The following BLNK variants were observed in gnomAD, a reference collection of about 807,000 sequenced individuals.
BLNK encodes B-cell linker protein.
A neutral mutation model predicts 73.5 loss-of-function variants in BLNK; 29 were observed. That is an observed-to-expected ratio of 0.39 (90% CI 0.29 to 0.54). BLNK has a LOEUF of 0.54. Among genes scored for constraint, BLNK ranks in the 20% least tolerant of loss-of-function variants. The pLI is 0.61. For synonymous variants in BLNK, 176 were observed against 200.8 expected, an observed-to-expected ratio of 0.88 and a Z score of 1.04; for missense variants, 460 against 562.8, an observed-to-expected ratio of 0.82 and a Z score of 1.85.
chr10:96,225,367 C>T (rs587663325), intron 5 of BLNK, among the ~76,000 whole-genome samples: 1 of 152,286 alleles, frequency 6.6e-6, no homozygotes, highest in South Asian at 2.1e-4. Flanking sequence ...TAGGCCCTCG[C>T]CTCTATGCTC....
At position 96,200,060 on chromosome 10, in the gene BLNK, T is replaced by TA; in HGVS notation, c.1095+14dup. The TA allele has an allele frequency of 6.8e-7, 1 of 1,462,870 alleles. No homozygotes were observed. The highest frequency in any genetic ancestry group is 1.7e-5 in the South Asian group (1 of 60,482). The allele number at this position is 1,462,870 out of a possible 1,614,324, so 90.6% of individuals were successfully genotyped here. On this transcript the variant is annotated intron_variant, in intron 15 of 16. Transcript: ENST00000224337. This position sits in a 1 kb window ranked among gnomAD's most constrained non-coding sequence, Gnocchi z 4.3. ...AAAATAAAATAAAAATAATAAATAA[T>TA]AAAAATGATCAGACCTTGTTTGATC...
chr10:96,230,636 T>C (rs1842462025), intron 4 of BLNK, among the ~76,000 whole-genome samples, 158 bp downstream of exon 4: 2 of 152,210 alleles, frequency 1.3e-5, no homozygotes, highest in African/African-American at 2.4e-5. Context: ...GCCAGTCAAG[T>C]CAGCTGGTAT....
At chr10:96,235,723 G>A (rs1554904958) in intron 3 of BLNK, among the ~76,000 whole-genome samples, 1 of 152,170 alleles carries the variant, frequency 6.6e-6, no homozygotes, top group African/African-American at 2.4e-5. Context: ...CTTGAAGGAT[G>A]AGCAGGATTT....
chr10:96,249,709 G>T (rs11188679), intron 1 of BLNK, among the ~76,000 whole-genome samples: 1 of 152,086 alleles, frequency 6.6e-6, no homozygotes, highest in Non-Finnish European at 1.5e-5. Context: ...GATGGCAGGG[G>T]GTGGTAGCCC....
intron 3 of BLNK, chr10:96,239,133 T>C (rs1842800441): frequency 2.5e-6 from 1 of 398,600 alleles, no homozygotes; most frequent in Non-Finnish European, 4.4e-6. Context: ...ATCAAGACTA[T>C]TTGGAAGGGT....
At chr10:96,204,423 G>A in intron 12 of BLNK, 109 bp downstream of exon 12, 1 of 1,248,332 alleles carries the variant, frequency 8.0e-7, no homozygotes, top group South Asian at 1.2e-5. Context: ...ATGAAATGTT[G>A]GATTTTTACC....
chr10:96,195,061 G>T (rs996485495), intron 16 of BLNK, among the ~76,000 whole-genome samples: 3 of 151,960 alleles, frequency 2.0e-5, no homozygotes, highest in African/African-American at 7.3e-5. Context: ...GAGCCACCGC[G>T]CCCGGCCAGA....
At position 96,247,123 on chromosome 10, in the gene BLNK, C is replaced by T. The variant is rs528647077; in HGVS notation, c.48-74G>A. On this transcript the variant is annotated intron_variant, in intron 1 of 16. Coordinates refer to ENST00000224337, the MANE Select transcript of BLNK (RefSeq NM_013314.4). The stretch of plus-strand genomic sequence containing the variant: ...TTTAAAAAAAGTCTCCTACTCTTCT[C>T]GAATACAAAAAAGGGGAAAAAACTC... 175 of 1,045,736 alleles carry T rather than the reference C, an allele frequency of 1.7e-4. 1 individual carries two copies. In the South Asian group the frequency reaches 2.1e-3, roughly 13 times the overall value. 64.8% of individuals were successfully genotyped at this position (1,045,736 alleles called of 1,614,324 possible).
At chr10:96,219,982 G>A (rs1554900743) in intron 6 of BLNK, among the ~76,000 whole-genome samples, 1 of 152,140 alleles carries the variant, frequency 6.6e-6, no homozygotes. Flanking sequence ...TGTACAGTAA[G>A]GAGCAGACAA....
intron 12 of BLNK, 97 bp from the exon 13 acceptor site, chr10:96,204,185 C>T: frequency 7.8e-7 from 1 of 1,281,834 alleles, no homozygotes; most frequent in Non-Finnish European, 1.1e-6. Flanking sequence ...AGGCACATCA[C>T]AAATAAATCA....
At chr10:96,207,756 C>G in intron 10 of BLNK, 116 bp downstream of exon 10, 1 of 1,256,594 alleles carries the variant, frequency 8.0e-7, no homozygotes, top group Non-Finnish European at 1.2e-6. Flanking sequence ...GCAGCAACTT[C>G]AGTTGCTAAG....
At chr10:96,228,129 T>C (rs1842351773) in intron 4 of BLNK, among the ~76,000 whole-genome samples, 1 of 148,314 alleles carries the variant, frequency 6.7e-6, no homozygotes, top group Admixed American at 6.8e-5. Flanking sequence ...AGATGGAGTC[T>C]CACTCTGTTG....
chr10:96,268,671 T>A (rs1249189815), intron 1 of BLNK, among the ~76,000 whole-genome samples: 1 of 152,222 alleles, frequency 6.6e-6, no homozygotes, highest in Non-Finnish European at 1.5e-5. Flanking sequence ...TGAGAATTCC[T>A]TGTCTCCTTC....
At chr10:96,202,300 C>G (rs1298077321) in intron 13 of BLNK, among the ~76,000 whole-genome samples, 1 of 152,054 alleles carries the variant, frequency 6.6e-6, no homozygotes, top group Non-Finnish European at 1.5e-5. Context: ...GGGCTGGAAA[C>G]AGAGGGTGGC....
At chr10:96,195,198 G>A (rs1554894416) in intron 16 of BLNK, among the ~76,000 whole-genome samples, 1 of 152,102 alleles carries the variant, frequency 6.6e-6, no homozygotes, top group African/African-American at 2.4e-5. Context: ...TTAAACCCTC[G>A]TGTGCTGTTG....
chr10:96,252,326 C>G (rs1843319704), intron 1 of BLNK, among the ~76,000 whole-genome samples: 1 of 152,200 alleles, frequency 6.6e-6, no homozygotes, highest in African/African-American at 2.4e-5. Flanking sequence ...GCTGGGATTA[C>G]AGGCATGAGC....
At chr10:96,192,305 A>G (rs952848947) in intron 16 of BLNK, among the ~76,000 whole-genome samples, 2 of 151,326 alleles carry the variant, frequency 1.3e-5, no homozygotes, top group Non-Finnish European at 2.9e-5. Flanking sequence ...ACACACTGAC[A>G]GCCTCAATTA....
chr10:96,245,842 A>G (rs1003155365), intron 2 of BLNK, among the ~76,000 whole-genome samples: 1 of 152,240 alleles, frequency 6.6e-6, no homozygotes, highest in Non-Finnish European at 1.5e-5. Flanking sequence ...ACACACATAC[A>G]TACATATATA....
chr10:96,252,292 C>G (rs1031659759), intron 1 of BLNK, among the ~76,000 whole-genome samples: 2 of 152,136 alleles, frequency 1.3e-5, no homozygotes, highest in African/African-American at 4.8e-5. Context: ...ACCTCGTGAT[C>G]TGCCTGCCCC....
Sources: allele counts gnomAD v4.1 joint callset (sites outside exome capture counted in the v4.1 genomes callset), GRCh38; gene constraint gnomAD v4.1.1; non-coding constraint Gnocchi (gnomAD v3.1); transcripts MANE v1.5; gene names NCBI Gene and HGNC (gene_info 2026-07-23, HGNC 2026-07-21).